Variants in BACH2 observed in about 807,000 individuals in gnomAD.
The protein encoded by BACH2 is BACH transcriptional regulator 2.
In BACH2, 5 loss-of-function variants were observed where a neutral mutation model predicts 61.8. The observed-to-expected ratio is 0.08, with a 90% CI of 0.04 to 0.17. The LOEUF (loss-of-function observed/expected upper bound fraction) is 0.17, where lower values mean the gene tolerates loss of function less well. BACH2 is among the 10% of genes least tolerant of loss of function. BACH2 has a pLI of 1.00. For missense variants in BACH2, 824 were observed against 1,091.1 expected (o/e 0.76, Z 3.45); for synonymous variants, 446 against 440.1 (o/e 1.01, Z -0.17).
intron 6 of BACH2, among the ~76,000 whole-genome samples, chr6:89,979,569 C>T (rs889758169): frequency 3.9e-5 from 6 of 152,214 alleles, no homozygotes; most frequent in Admixed American, 1.3e-4. Flanking sequence ...TCCCTCTCCA[C>T]GATGTAGTCC....
chr6:90,186,208 C>G (rs1394185775), intron 4 of BACH2, among the ~76,000 whole-genome samples: 1 of 152,128 alleles, frequency 6.6e-6, no homozygotes, highest in Non-Finnish European at 1.5e-5. Flanking sequence ...GCCACTGACT[C>G]AGACCTGGAA....
At position 90,008,638 on chromosome 6, in the gene BACH2, C is replaced by G. The variant is rs777275715; in HGVS notation, c.207G>C (p.Gln69His). 6.2e-7 allele frequency: 1 copy of G among 1,614,178 alleles called. No individual in the cohort carries two copies. Among genetic ancestry groups the G allele is most frequent in the Non-Finnish European group, 8.5e-7 (1 of 1,180,012 alleles). ...AGCTGACCACCAAATCATTTTTTGT[C>G]TGTCCAACCAGCGCCTGCCAAAAAT... ...SEYFWQALVG[Q>H]TKNDLVVSLP... The change falls in exon 6 of 9, where the codon CAG becomes CAC. Residue 69 changes from glutamine to histidine, a missense_variant. Physicochemically the swap from Gln to His is conservative, Grantham distance 24 (BLOSUM62 0). Around this residue, in one of 8 missense-constraint regions of BACH2, gnomAD observed 66 missense variants for 144.8 expected, o/e 0.46. Coordinates refer to ENST00000257749, the MANE Select transcript of BACH2 (RefSeq NM_021813.4). The surrounding 1 kb of genome is among the most constrained non-coding windows in gnomAD (Gnocchi z 4.1).
intron 4 of BACH2, among the ~76,000 whole-genome samples, chr6:90,142,929 G>A (rs1784509878): frequency 6.6e-6 from 1 of 152,208 alleles, no homozygotes; most frequent in African/African-American, 2.4e-5. Context: ...AGCCTTGGGT[G>A]TGATTTAAGG....
intron 4 of BACH2, among the ~76,000 whole-genome samples, chr6:90,201,525 T>A (rs528363096): frequency 1.1e-4 from 16 of 152,356 alleles, no homozygotes; most frequent in African/African-American, 3.6e-4. Context: ...AGTGTAATTA[T>A]CTTTATGTTA....
intron 3 of BACH2, among the ~76,000 whole-genome samples, chr6:90,211,234 G>A (rs1187804283): frequency 6.7e-6 from 1 of 149,030 alleles, no homozygotes; most frequent in Non-Finnish European, 1.5e-5. Flanking sequence ...ACAAAGGGCG[G>A]CAAGCAAACA....
At chr6:90,241,879 T>C (rs1253737894) in intron 3 of BACH2, among the ~76,000 whole-genome samples, 1 of 152,164 alleles carries the variant, frequency 6.6e-6, no homozygotes. Flanking sequence ...GCTTTTGTTT[T>C]GTTTTGTCTT....
chr6:90,012,621 TC>T (rs1777785272), intron 5 of BACH2, among the ~76,000 whole-genome samples: 1 of 145,722 alleles, frequency 6.9e-6, no homozygotes, highest in Admixed American at 6.9e-5. Context: ...AGAGCAAGAC[TC>T]CACCTCAAAA....
intron 6 of BACH2, among the ~76,000 whole-genome samples, chr6:89,986,006 T>C (rs1463917560): frequency 1.3e-5 from 2 of 152,326 alleles, no homozygotes; most frequent in Non-Finnish European, 1.5e-5. Context: ...TCCCTGGCCC[T>C]GTTATAGCCG....
chr6:90,090,433 T>G (rs1393804032), intron 4 of BACH2, among the ~76,000 whole-genome samples: 1 of 152,198 alleles, frequency 6.6e-6, no homozygotes, highest in Non-Finnish European at 1.5e-5. Flanking sequence ...TTTATATTTT[T>G]TTTCAGCAGC....
intron 4 of BACH2, among the ~76,000 whole-genome samples, chr6:90,184,009 T>C (rs1474547263): frequency 6.6e-6 from 1 of 152,232 alleles, no homozygotes; most frequent in East Asian, 1.9e-4. Flanking sequence ...GTGAGGAATG[T>C]TGCCAATTTA....
At chr6:90,099,210 C>T (rs1032950206) in intron 4 of BACH2, among the ~76,000 whole-genome samples, 3 of 152,112 alleles carry the variant, frequency 2.0e-5, no homozygotes, top group Non-Finnish European at 2.9e-5. Context: ...CTGTTCAGTT[C>T]GGGACAGGGT....
intron 5 of BACH2, among the ~76,000 whole-genome samples, chr6:90,013,445 TC>T (rs944004128): frequency 1.3e-4 from 20 of 152,062 alleles, no homozygotes; most frequent in Middle Eastern, 3.4e-3. Flanking sequence ...TTTCTTTCTC[TC>T]CCTCTCTCCT....
chr6:90,265,131 A>G (rs1383615019), intron 2 of BACH2, among the ~76,000 whole-genome samples: 1 of 152,238 alleles, frequency 6.6e-6, no homozygotes, highest in Non-Finnish European at 1.5e-5. Context: ...TATATCAGCC[A>G]TTACAACAAG....
intron 3 of BACH2, among the ~76,000 whole-genome samples, chr6:90,223,120 C>G (rs1368982661): frequency 1.3e-5 from 2 of 152,218 alleles, no homozygotes; most frequent in Non-Finnish European, 2.9e-5. Context: ...ACGCACCCTT[C>G]TATAGAAGCA....
chr6:90,071,957 GGAA>G (rs1781248223), intron 5 of BACH2, among the ~76,000 whole-genome samples: 1 of 152,118 alleles, frequency 6.6e-6, no homozygotes. Context: ...CTGAGGAGGA[GGAA>G]GAAGAGGGAT....
chr6:90,010,361 T>C (rs1777643153), intron 5 of BACH2, among the ~76,000 whole-genome samples: 1 of 152,258 alleles, frequency 6.6e-6, no homozygotes, highest in Admixed American at 6.5e-5. Context: ...AACTACATAT[T>C]CTTTTATATC....
rs542377461 is a variant in BACH2, at chr6:90,063,394, C to T, written c.-13+25567G>A. Among the ~76,000 whole-genome samples, 9 of 152,206 alleles carry T rather than the reference C, an allele frequency of 5.9e-5. No homozygotes were observed. The South Asian group carries it at 6.2e-4, about 11-fold the overall frequency. ...TCACATCACATTACATTATGTTATG[C>T]CAAGTAACAGGATGTTCTTGGGGTA... On this transcript the variant is annotated intron_variant, in intron 5 of 8. Coordinates refer to ENST00000257749, the MANE Select transcript of BACH2 (RefSeq NM_021813.4).
rs573261313 is a variant in BACH2, at chr6:90,128,454, G to A, written c.-161-39345C>T. Among the ~76,000 whole-genome samples, 3 of 152,264 alleles carry A rather than the reference G, an allele frequency of 2.0e-5. 1 individual carries two copies. Among genetic ancestry groups the A allele is most frequent in the South Asian group, 4.1e-4 (2 of 4,824 alleles). Reference sequence around the variant, plus strand: ...AAATTAGCTGGGTGTGATGGCGGGCGCCTGTAGTCCCAGCTACTCAGGAGG... The same window carrying A: ...AAATTAGCTGGGTGTGATGGCGGGCACCTGTAGTCCCAGCTACTCAGGAGG... On this transcript the variant is annotated intron_variant, in intron 4 of 8. Coordinates refer to ENST00000257749, the MANE Select transcript of BACH2 (RefSeq NM_021813.4).
chr6:90,127,949 T>C (rs185177427), intron 4 of BACH2, among the ~76,000 whole-genome samples: 49 of 152,312 alleles, frequency 3.2e-4, no homozygotes, highest in African/African-American at 1.0e-3. Flanking sequence ...TAAGTATCTA[T>C]TGAAAGTAAG....
Sources: gnomAD v4.1 joint callset for allele counts (sites outside exome capture counted in the v4.1 genomes callset) on GRCh38, gnomAD v4.1.1 for gene constraint, gnomAD v4.1.1 regional missense constraint, Gnocchi (gnomAD v3.1) non-coding constraint, MANE v1.5 for transcripts, NCBI Gene and HGNC (gene_info 2026-07-23, HGNC 2026-07-21) for gene names.